Variants in PCDHGA6 observed in about 807,000 individuals in gnomAD.
The protein encoded by PCDHGA6 is protocadherin gamma-A6.
Under a neutral mutation model 60.6 loss-of-function variants are expected in PCDHGA6, and 41 were observed. The ratio of observed to expected loss-of-function variants is 0.68; its 90% CI spans 0.53 to 0.88. The LOEUF (loss-of-function observed/expected upper bound fraction) is 0.88. PCDHGA6 is among the 40% of genes least tolerant of loss of function. The pLI, the probability that PCDHGA6 is intolerant of heterozygous loss-of-function variation, is 0.00. For missense variants in PCDHGA6, 1,312 were observed against 1,203.0 expected (o/e 1.09, Z -1.34); for synonymous variants, 594 against 524.4 (o/e 1.13, Z -1.81).
chr5:141,450,702 G>T (rs1466981422), intron 1 of PCDHGA6, among the ~76,000 whole-genome samples: 6 of 152,026 alleles, frequency 3.9e-5, no homozygotes, highest in South Asian at 2.1e-4. Flanking sequence ...GCCCAGGATG[G>T]TCTCCAACTC....
At chr5:141,387,857 G>A (rs375524405) in intron 1 of PCDHGA6, 124 of 1,594,010 alleles carry the variant, frequency 7.8e-5, no homozygotes, top group Admixed American at 2.1e-4. Context: ...TCTCCAGGCT[G>A]GTGAGCAAGC....
rs1771822925 is a variant in PCDHGA6 at position 141,375,738 on chromosome 5, T to C, written c.1655T>C (p.Val552Ala). The C allele has an allele frequency of 1.2e-6, 2 of 1,614,130 alleles. No homozygotes were observed. Among genetic ancestry groups the C allele is most frequent in the African/African-American group, 2.7e-5 (2 of 74,954 alleles). The change falls in exon 1 of 4, where the codon GTG becomes GCG. Residue 552 changes from valine to alanine, a missense_variant. Transcript: ENST00000517434. ...LSSNVSLSLF[V>A]LDQNDNAPEI... is the part of the protein sequence containing the mutation. ...AGCAACGTGTCACTGAGCCTGTTTG[T>C]GCTGGACCAGAATGACAATGCGCCC...
chr5:141,403,816 A>G (rs2094457403), intron 1 of PCDHGA6: 4 of 1,613,874 alleles, frequency 2.5e-6, no homozygotes, highest in Non-Finnish European at 3.4e-6. Context: ...ATGAAAAACA[A>G]TCTCTGCTAT....
In PCDHGA6 at chr5:141,443,822, A is replaced by G. The variant is rs183934410; in HGVS notation, c.2425-50985A>G. ...GAAACAGTTACCTTTGGAAAACATAATTAGGTAAAATGGGTAATATGGAAA... is the reference window on the plus strand; with the variant it reads ...GAAACAGTTACCTTTGGAAAACATAGTTAGGTAAAATGGGTAATATGGAAA... On this transcript the variant is annotated intron_variant, in intron 1 of 3. Coordinates refer to ENST00000517434, the MANE Select transcript of PCDHGA6 (RefSeq NM_018919.3). Among the ~76,000 whole-genome samples, 330 of 152,316 alleles carry G rather than the reference A, an allele frequency of 2.2e-3. 2 individuals carry two copies. Among genetic ancestry groups the G allele is most frequent in the Non-Finnish European group, 4.1e-3 (279 of 68,018 alleles).
In PCDHGA6 at chr5:141,418,448, C is replaced by T. The variant is rs1240295197; in HGVS notation, c.2424+41941C>T. On this transcript the variant is annotated intron_variant, in intron 1 of 3. Transcript: ENST00000517434. ...TGGCAAATATCCAGAATTAGTATTG[C>T]AGAAGACTCTGGACCGAGAAACGCA... 1.9e-6 allele frequency: 3 copies of T among 1,613,850 alleles called. No homozygotes were observed. The African/African-American group carries it at 4.0e-5, about 22-fold the overall frequency.
intron 1 of PCDHGA6, chr5:141,387,565 T>C: frequency 2.3e-6 from 1 of 437,244 alleles, no homozygotes; most frequent in Non-Finnish European, 4.0e-6. Flanking sequence ...AGGCACACAA[T>C]TATAATTATT....
chr5:141,422,406 T>C, intron 1 of PCDHGA6: 1 of 1,601,224 alleles, frequency 6.2e-7, no homozygotes, highest in South Asian at 1.1e-5. Context: ...ACCTGCCTTT[T>C]AAATTAGAAA....
intron 1 of PCDHGA6, chr5:141,408,498 G>A (rs934521153): frequency 1.7e-5 from 27 of 1,613,634 alleles, no homozygotes; most frequent in Non-Finnish European, 2.3e-5. Flanking sequence ...TGCAAAGAGA[G>A]AAGAAGATGT....
intron 1 of PCDHGA6, chr5:141,408,979 C>A (rs1331121466): frequency 6.2e-7 from 1 of 1,613,862 alleles, no homozygotes; most frequent in East Asian, 2.2e-5. Flanking sequence ...CCCCTGGGTC[C>A]CCTGTGTTGC....
rs1485167379 is a variant in PCDHGA6, at chr5:141,485,881, C to T, written c.2425-8926C>T. 5.0e-6 allele frequency: 8 copies of T among 1,613,984 alleles called. No homozygotes were observed. Among genetic ancestry groups the T allele is most frequent in the East Asian group, 2.2e-5 (1 of 44,880 alleles). On this transcript the variant is annotated intron_variant, in intron 1 of 3. Transcript: ENST00000517434. The surrounding 1 kb of genome is among the most constrained non-coding windows in gnomAD (Gnocchi z 5.7). ...TCCGGGTATCCGTGCTGGACGTAAACGACAACGCCCCAGCCTTCCAGCAAT... is the reference window on the plus strand; with the variant it reads ...TCCGGGTATCCGTGCTGGACGTAAATGACAACGCCCCAGCCTTCCAGCAAT...
chr5:141,379,709 C>G (rs1200100284), intron 1 of PCDHGA6: 1 of 152,094 alleles, frequency 6.6e-6, no homozygotes, highest in Non-Finnish European at 1.5e-5. Context: ...AACATCCTGG[C>G]AGTCATGGAA....
chr5:141,420,036 G>C, intron 1 of PCDHGA6: 1 of 1,614,078 alleles, frequency 6.2e-7, no homozygotes. Context: ...GCAGGAGACT[G>C]CTTTGAGTCA....
intron 1 of PCDHGA6, among the ~76,000 whole-genome samples, chr5:141,443,771 A>G (rs1031470429): frequency 9.2e-5 from 14 of 152,238 alleles, no homozygotes; most frequent in African/African-American, 3.1e-4. Context: ...ATACAATATT[A>G]CCAAAAAGAC....
chr5:141,393,898 C>T lies in PCDHGA6; in HGVS notation c.2424+17391C>T, dbSNP rs182092307. On this transcript the variant is annotated intron_variant, in intron 1 of 3. Transcript: ENST00000517434. ...AGCCCAGTGTTAGAAAATTCTCTTC[C>T]CGGGACAGTAATTGCCTTCTTGAGT... The T allele has an allele frequency of 3.0e-5, 49 of 1,613,956 alleles. No individual in the cohort carries two copies. The African/African-American group carries it at 5.1e-4, about 17-fold the overall frequency.
Position 141,376,331 on chromosome 5 carries a change from C to T in PCDHGA6, c.2248C>T (p.Leu750=), listed in dbSNP as rs757952080. 2 of 1,614,078 alleles carry T rather than the reference C, an allele frequency of 1.2e-6. No individual in the cohort carries two copies. Among genetic ancestry groups the T allele is most frequent in the East Asian group, 2.2e-5 (1 of 44,890 alleles). The change falls in exon 1 of 4, where the codon CTG becomes TTG. Residue 750 remains leucine (L), a synonymous_variant. Transcript: ENST00000517434. ...FVGVEGVRAF[L]QTYSHEVSLT... The stretch of plus-strand genomic sequence containing the variant: ...GGGCGTGGAAGGGGTTCGGGCTTTC[C>T]TGCAGACCTATTCCCACGAGGTCTC...
intron 1 of PCDHGA6, among the ~76,000 whole-genome samples, chr5:141,468,791 G>A (rs941787269): frequency 2.6e-5 from 4 of 151,954 alleles, no homozygotes; most frequent in East Asian, 3.9e-4. Context: ...GCGTGAACCC[G>A]GGAGGCGGAA....
Position 141,374,626 on chromosome 5 carries a change from C to A in PCDHGA6, c.543C>A (p.Asp181Glu), listed in dbSNP as rs748933501. 10 of 1,613,108 alleles carry A rather than the reference C, an allele frequency of 6.2e-6. No individual in the cohort carries two copies. Among genetic ancestry groups the A allele is most frequent in the Non-Finnish European group, 7.6e-6 (9 of 1,179,548 alleles). Residue 181 changes from aspartate (D) to glutamate (E), a missense_variant, in exon 1 of 4, where the codon GAC becomes GAA. Asp to Glu is a conservative substitution (Grantham distance 45, BLOSUM62 2). Coordinates refer to ENST00000517434, the MANE Select transcript of PCDHGA6 (RefSeq NM_018919.3). The stretch of plus-strand genomic sequence containing the variant: ...GTGGTAATAGTCACTTCTCAGTGGA[C>A]GTGCAAAGCGAAGCCCATGGGCCCA... ...KLSGNSHFSV[D>E]VQSEAHGPKY... is the part of the protein sequence containing the mutation.
chr5:141,505,252 C>T (rs2099844831), intron 2 of PCDHGA6, 141 bp from the exon 3 acceptor site: 1 of 1,454,140 alleles, frequency 6.9e-7, no homozygotes, highest in Non-Finnish European at 9.2e-7. Context: ...TGTAGAAGTG[C>T]CTCCTACCTT....
At chr5:141,506,609 T>C (rs1375963880) in intron 3 of PCDHGA6, among the ~76,000 whole-genome samples, 1 of 152,184 alleles carries the variant, frequency 6.6e-6, no homozygotes, top group African/African-American at 2.4e-5. Context: ...GATCTCATTG[T>C]GGTGTTACCA....
Sources: gnomAD v4.1 joint callset for allele counts (sites outside exome capture counted in the v4.1 genomes callset) on GRCh38, gnomAD v4.1.1 for gene constraint, Gnocchi (gnomAD v3.1) non-coding constraint, MANE v1.5 for transcripts, NCBI Gene and HGNC (gene_info 2026-07-23, HGNC 2026-07-21) for gene names.